The following COG5 variants were observed in gnomAD, a reference collection of about 807,000 sequenced individuals.
COG5 encodes the protein component of oligomeric golgi complex 5, also known as conserved oligomeric Golgi complex subunit 5.
A neutral mutation model predicts 110.4 loss-of-function variants in COG5; 86 were observed. The observed-to-expected ratio is 0.78, with a 90% CI of 0.65 to 0.93. COG5 has a LOEUF of 0.93. Among genes scored for constraint, COG5 ranks in the 40% least tolerant of loss-of-function variants. The pLI, the probability that COG5 is intolerant of heterozygous loss-of-function variation, is 0.00. For missense variants in COG5, 1,077 were observed against 987.0 expected, an observed-to-expected ratio of 1.09 and a Z score of -1.22; for synonymous variants, 360 against 334.6, an observed-to-expected ratio of 1.08 and a Z score of -0.83.
At chr7:107,255,945 T>C (rs1802849081) in intron 16 of COG5, among the ~76,000 whole-genome samples, 1 of 152,162 alleles carries the variant, frequency 6.6e-6, no homozygotes, top group Admixed American at 6.5e-5. Context: ...ACCAGCGATA[T>C]GACCTTGAGC....
intron 21 of COG5, chr7:107,210,102 T>C: frequency 9.6e-7 from 1 of 1,044,144 alleles, no homozygotes; most frequent in Non-Finnish European, 1.2e-6. Context: ...GGGTTGTTCT[T>C]GTTTCCTCCT....
At chr7:107,325,381 T>A (rs554769297) in intron 10 of COG5, among the ~76,000 whole-genome samples, 3 of 152,350 alleles carry the variant, frequency 2.0e-5, no homozygotes, top group African/African-American at 7.2e-5. Context: ...CTGGGCACAG[T>A]GGCTCACAAC....
At chr7:107,299,334 A>C (rs1807038890) in intron 11 of COG5, among the ~76,000 whole-genome samples, 1 of 152,120 alleles carries the variant, frequency 6.6e-6, no homozygotes, top group Admixed American at 6.6e-5. Flanking sequence ...AGAATAACAG[A>C]GATGATCTCA....
intron 7 of COG5, among the ~76,000 whole-genome samples, chr7:107,389,514 C>A (rs900727275): frequency 3.9e-5 from 6 of 152,220 alleles, no homozygotes; most frequent in Admixed American, 3.9e-4. Context: ...GTAATACAAT[C>A]AATGCCGCTT....
chr7:107,205,334 T>A (rs1425617816), intron 21 of COG5, among the ~76,000 whole-genome samples: 2 of 152,162 alleles, frequency 1.3e-5, no homozygotes, highest in Non-Finnish European at 2.9e-5. Flanking sequence ...ACCAGCTTCA[T>A]CATCAAGCTG....
At chr7:107,489,261 T>C (rs376183311) in intron 6 of COG5, among the ~76,000 whole-genome samples, 2 of 152,204 alleles carry the variant, frequency 1.3e-5, no homozygotes, top group African/African-American at 2.4e-5. Context: ...AAATGTATTC[T>C]TATTTTCTTG....
chr7:107,504,488 G>A (rs550862352), intron 6 of COG5, among the ~76,000 whole-genome samples: 9 of 152,178 alleles, frequency 5.9e-5, no homozygotes, highest in East Asian at 5.8e-4. Flanking sequence ...CTGAGTTTTG[G>A]TATCAGGGTA....
At chr7:107,415,436 T>G (rs1473287475) in intron 6 of COG5, among the ~76,000 whole-genome samples, 2 of 152,074 alleles carry the variant, frequency 1.3e-5, no homozygotes, top group African/African-American at 2.4e-5. Flanking sequence ...CTTGTAGAGC[T>G]ATTTGAGTTT....
intron 6 of COG5, among the ~76,000 whole-genome samples, chr7:107,414,876 C>G (rs934802449): frequency 6.6e-6 from 1 of 151,390 alleles, no homozygotes; most frequent in Admixed American, 6.6e-5. Flanking sequence ...TACAAGTGCA[C>G]GTCACGACGC....
At chr7:107,370,762 G>A (rs1408324310) in intron 8 of COG5, among the ~76,000 whole-genome samples, 1 of 147,254 alleles carries the variant, frequency 6.8e-6, no homozygotes, top group Non-Finnish European at 1.5e-5. Flanking sequence ...TTCTAGCTTG[G>A]GTGACCAGAA....
chr7:107,395,494 T>C (rs1444787552), intron 7 of COG5, among the ~76,000 whole-genome samples: 1 of 145,824 alleles, frequency 6.9e-6, no homozygotes, highest in Non-Finnish European at 1.5e-5. Flanking sequence ...CTTTTTTAAA[T>C]AGTGTGTAAA....
chr7:107,391,299 C>T (rs916941545), intron 7 of COG5, among the ~76,000 whole-genome samples: 3 of 152,144 alleles, frequency 2.0e-5, no homozygotes, highest in African/African-American at 7.2e-5. Flanking sequence ...TGTCAGTGTA[C>T]ATTATTTATC....
chr7:107,434,528 C>CTG (rs1416267012), intron 6 of COG5, among the ~76,000 whole-genome samples: 10 of 152,082 alleles, frequency 6.6e-5, no homozygotes, highest in African/African-American at 2.4e-4. Flanking sequence ...CAGAAATCAC[C>CTG]ACTGAAGAAC....
At chr7:107,368,611 A>G (rs913354214) in intron 8 of COG5, among the ~76,000 whole-genome samples, 2 of 152,198 alleles carry the variant, frequency 1.3e-5, no homozygotes, top group African/African-American at 4.8e-5. Context: ...TGTATCTTAA[A>G]ATTCCATTTA....
In COG5 at chr7:107,236,473, G is replaced by C. The variant is rs781258339; in HGVS notation, c.2068C>G (p.Arg690Gly). 6.2e-7 allele frequency: 1 copy of C among 1,613,796 alleles called. No individual in the cohort carries two copies. The highest frequency in any genetic ancestry group is 8.5e-7 in the Non-Finnish European group (1 of 1,179,732). ...ACCTGTGCAAAATCAGCAGCAAGTC[G>C]CATTTTCCCACCTTCACCAAGAGGT... ...IRPLGEGGKM[R>G]LAADFAQMEL... The change falls in exon 18 of 22, where the codon CGA becomes GGA. Residue 690 changes from arginine (R) to glycine (G), a missense_variant. Arg to Gly is a moderately radical substitution (Grantham distance 125). Coordinates refer to ENST00000297135, the MANE Select transcript of COG5 (RefSeq NM_006348.5).
At chr7:107,222,231 G>A (rs543596579) in intron 19 of COG5, among the ~76,000 whole-genome samples, 2 of 150,760 alleles carry the variant, frequency 1.3e-5, no homozygotes, top group African/African-American at 2.4e-5. Flanking sequence ...ATGGAGTCTC[G>A]CTCTGTCGCC....
rs539965091 is a variant in COG5, at chr7:107,563,507, G to A, written c.94+296C>T. 1,983 of 468,092 alleles carry A rather than the reference G, an allele frequency of 4.2e-3. 8 individuals carry two copies. Among genetic ancestry groups the A allele is most frequent in the Non-Finnish European group, 6.2e-3 (1,568 of 253,750 alleles). The allele number at this position is 468,092 out of a possible 1,614,324, so 29.0% of individuals were successfully genotyped here. A position where few individuals can be genotyped will look rare whatever the true frequency, so the allele number is the denominator to read the frequency against. ...CGGTGGCTGCCAACGCGGTCCACAG[G>A]GTTTGGGCTCCCGAAACTTCAGGGA... On this transcript the variant is annotated intron_variant, in intron 1 of 21. Coordinates refer to ENST00000297135, the MANE Select transcript of COG5 (RefSeq NM_006348.5).
In COG5 at chr7:107,301,237, G is replaced by A. The variant is rs186739561; in HGVS notation, c.1109-2891C>T. On this transcript the variant is annotated intron_variant, in intron 11 of 21. Transcript: ENST00000297135. ...TGATATGAAACCAAGAGTATGGTCT[G>A]CAAAAGAAATTGATAAACTGGACAA... Among the ~76,000 whole-genome samples, 14 of 152,188 alleles carry A rather than the reference G, an allele frequency of 9.2e-5. No individual in the cohort carries two copies. The East Asian group carries it at 2.3e-3, about 25-fold the overall frequency.
intron 10 of COG5, among the ~76,000 whole-genome samples, chr7:107,334,619 G>T (rs1810552449): frequency 6.6e-6 from 1 of 151,968 alleles, no homozygotes; most frequent in African/African-American, 2.4e-5. Context: ...CAGGCCAGGA[G>T]AGAGTGGGAT....
Sources: allele counts gnomAD v4.1 joint callset (sites outside exome capture counted in the v4.1 genomes callset), GRCh38; gene constraint gnomAD v4.1.1; transcripts MANE v1.5; gene names NCBI Gene and HGNC (gene_info 2026-07-23, HGNC 2026-07-21).